Variants in HECTD4 observed in about 807,000 individuals in gnomAD.
The protein encoded by HECTD4 is probable E3 ubiquitin-protein ligase HECTD4.
In HECTD4, 114 loss-of-function variants were observed where a neutral mutation model predicts 471.5. That is an observed-to-expected ratio of 0.24 (90% CI 0.21 to 0.28). The LOEUF (loss-of-function observed/expected upper bound fraction) is 0.28. Ranked by LOEUF, HECTD4 falls within the 10% of genes least tolerant of loss-of-function variation. The probability of loss-of-function intolerance (pLI) is 1.00; values close to 1 mark genes in which losing one functional copy is unlikely to be tolerated. For missense variants in HECTD4, 3,866 were observed against 5,651.5 expected (o/e 0.68, Z 10.13); for synonymous variants, 2,012 against 2,256.0 (o/e 0.89, Z 3.07).
In HECTD4 at chr12:112,195,151, A is replaced by C. The variant is rs376941551; in HGVS notation, c.8568-85T>G. The stretch of plus-strand genomic sequence containing the variant: ...GACCAGGCCGCAGGTTCTGAAGGAA[A>C]AGGATCCTGCCTCAGGCTTCTCTTC... On this transcript the variant is annotated intron_variant, in intron 55 of 75. Transcript: ENST00000682272. The C allele has an allele frequency of 1.4e-4, 170 of 1,218,076 alleles. 3 individuals carry two copies. In the East Asian group the frequency reaches 3.8e-3, roughly 28 times the overall value. 75.5% of individuals were successfully genotyped at this position (1,218,076 alleles called of 1,614,324 possible).
At position 112,275,170 on chromosome 12, in the gene HECTD4, G is replaced by A. The variant is rs190190731; in HGVS notation, c.1688-210C>T. On this transcript the variant is annotated intron_variant, in intron 9 of 75. Coordinates refer to ENST00000682272, the MANE Select transcript of HECTD4 (RefSeq NM_001388303.1). ...CAGAAATTTTCCTAAATTTAATACC[G>A]AACCATAGTTTTCAAAGTGTTTTTA... 4.6e-5 allele frequency among the ~76,000 whole-genome samples: 7 copies of A among 152,238 alleles called. No homozygotes were observed. The East Asian group carries it at 1.2e-3, about 25-fold the overall frequency.
chr12:112,277,296 C>T (rs776845618), intron 9 of HECTD4, among the ~76,000 whole-genome samples: 4 of 152,158 alleles, frequency 2.6e-5, no homozygotes, highest in African/African-American at 9.7e-5. Context: ...GGATGAACCT[C>T]GAAAACATTA....
In HECTD4 at chr12:112,163,559, T is replaced by C; in HGVS notation, c.12880A>G (p.Asn4294Asp). The C allele has an allele frequency of 6.8e-7, 1 of 1,475,400 alleles. No individual in the cohort carries two copies. Among genetic ancestry groups the C allele is most frequent in the East Asian group, 2.5e-5 (1 of 39,652 alleles). The allele number at this position is 1,475,400 out of a possible 1,614,324, so 91.4% of individuals were successfully genotyped here. A position where few individuals can be genotyped will look rare whatever the true frequency, so the allele number is the denominator to read the frequency against. The change falls in exon 74 of 76, where the codon AAC becomes GAC. Residue 4294 changes from asparagine (N) to aspartate (D), a missense_variant. Physicochemically the swap from Asn to Asp is conservative, Grantham distance 23. Coordinates refer to ENST00000682272, the MANE Select transcript of HECTD4 (RefSeq NM_001388303.1). The surrounding 1 kb of genome is among the most constrained non-coding windows in gnomAD (Gnocchi z 8.2). Reference sequence around the variant, plus strand: ...ATGTCTACCTTGAGGAACTCGAGGTTGATGTAGGGGAGGCCGCAGGTGCGC... The same window carrying C: ...ATGTCTACCTTGAGGAACTCGAGGTCGATGTAGGGGAGGCCGCAGGTGCGC... ...ELRTCGLPYINLEFLKAHTMY... is the reference protein window; with the variant it reads ...ELRTCGLPYIDLEFLKAHTMY...
At chr12:112,358,658 AT>A (rs555021753) in intron 1 of HECTD4, among the ~76,000 whole-genome samples, 1 of 152,140 alleles carries the variant, frequency 6.6e-6, no homozygotes, top group Non-Finnish European at 1.5e-5. Flanking sequence ...TTAAACTAAC[AT>A]TTCGAATCAT....
At position 112,382,327 on chromosome 12, in the gene HECTD4, T is replaced by TGCC. The variant is rs558182543; in HGVS notation, c.-202_-200dup. 0.043 allele frequency: 15,268 copies of TGCC among 356,044 alleles called. 364 individuals are homozygous for TGCC. The highest frequency in any genetic ancestry group is 0.066 in the African/African-American group (2,802 of 42,642). 22.1% of individuals were successfully genotyped at this position (356,044 alleles called of 1,614,324 possible). A position where few individuals can be genotyped will look rare whatever the true frequency, so the allele number is the denominator to read the frequency against. On this transcript the variant is annotated 5_prime_UTR_variant, in exon 1 of 76. Coordinates refer to ENST00000682272, the MANE Select transcript of HECTD4 (RefSeq NM_001388303.1). The stretch of plus-strand genomic sequence containing the variant: ...ACCCCGGCCCGGGAGACCCCGGCCC[T>TGCC]GCCGCCGCCGCCGCCGCCGCCGCCG...
intron 11 of HECTD4, among the ~76,000 whole-genome samples, chr12:112,272,893 C>T (rs1320521464): frequency 6.6e-6 from 1 of 152,212 alleles, no homozygotes; most frequent in Non-Finnish European, 1.5e-5. Context: ...CTGCTTTTCA[C>T]TATCTTCTCC....
chr12:112,343,967 T>C (rs1350767046), intron 1 of HECTD4, among the ~76,000 whole-genome samples: 2 of 152,210 alleles, frequency 1.3e-5, no homozygotes, highest in Non-Finnish European at 2.9e-5. Flanking sequence ...AAGACAATAC[T>C]GTATGAATAG....
At position 112,375,222 on chromosome 12, in the gene HECTD4, C is replaced by T. The variant is rs188311522; in HGVS notation, c.177+6730G>A. On this transcript the variant is annotated intron_variant, in intron 1 of 75. Transcript: ENST00000682272. ...CATAAATCCATGTTGTGAGTACCAA[C>T]GGTTCATTCGTTTTTGTTGCTGAGT... Among the ~76,000 whole-genome samples, 20 of 152,320 alleles carry T rather than the reference C, an allele frequency of 1.3e-4. No individual in the cohort carries two copies. The East Asian group carries it at 1.7e-3, about 13-fold the overall frequency.
rs1007316896 is a variant in HECTD4, at chr12:112,228,402, T to A, written c.6685-144A>T. The A allele has an allele frequency of 2.0e-6, 2 of 979,512 alleles. No homozygotes were observed. Among genetic ancestry groups the A allele is most frequent in the African/African-American group, 3.4e-5 (2 of 59,042 alleles). 60.7% of individuals were successfully genotyped at this position (979,512 alleles called of 1,614,324 possible). On this transcript the variant is annotated intron_variant, in intron 42 of 75. Coordinates refer to ENST00000682272, the MANE Select transcript of HECTD4 (RefSeq NM_001388303.1). This position sits in a 1 kb window ranked among gnomAD's most constrained non-coding sequence, Gnocchi z 4.9. ...ACCATACAGAAAACTACAAACCACATCAAAACAATTAAAAATACATTGTAG... is the reference window on the plus strand; with the variant it reads ...ACCATACAGAAAACTACAAACCACAACAAAACAATTAAAAATACATTGTAG...
intron 21 of HECTD4, 27 bp downstream of exon 21, chr12:112,256,293 A>G: frequency 6.7e-7 from 1 of 1,488,336 alleles, no homozygotes; most frequent in Non-Finnish European, 9.0e-7. Flanking sequence ...TCGAGGTGGA[A>G]CCAATAGTAA....
intron 9 of HECTD4, among the ~76,000 whole-genome samples, chr12:112,277,614 C>T (rs1213798167): frequency 6.6e-6 from 1 of 152,098 alleles, no homozygotes; most frequent in African/African-American, 2.4e-5. Context: ...AAGGAGAAAA[C>T]CTCACTCCAT....
At chr12:112,374,926 C>T (rs182819583) in intron 1 of HECTD4, among the ~76,000 whole-genome samples, 1 of 152,248 alleles carries the variant, frequency 6.6e-6, no homozygotes, top group East Asian at 1.9e-4. Context: ...ATATAATTGG[C>T]GTACAGTAAA....
Position 112,193,458 on chromosome 12 carries a change from T to TA in HECTD4, c.8955+10dup. ...AACCACACTGCAGGAACATGAGCTT[T>TA]AGACTTCTACCTGCAGGAAAGAGCA... On this transcript the variant is annotated intron_variant, in intron 57 of 75. Transcript: ENST00000682272. This position sits in a 1 kb window ranked among gnomAD's most constrained non-coding sequence, Gnocchi z 5.2. The TA allele has an allele frequency of 3.1e-6, 5 of 1,600,428 alleles. No homozygotes were observed. Among genetic ancestry groups the TA allele is most frequent in the Non-Finnish European group, 4.3e-6 (5 of 1,173,106 alleles).
At chr12:112,341,729 CTT>C (rs1329470650) in intron 1 of HECTD4, among the ~76,000 whole-genome samples, 1 of 152,170 alleles carries the variant, frequency 6.6e-6, no homozygotes, top group South Asian at 2.1e-4. Context: ...CCAGCTAAGA[CTT>C]AATATGTGTT....
intron 13 of HECTD4, among the ~76,000 whole-genome samples, chr12:112,268,742 G>A (rs761401052): frequency 1.0e-4 from 15 of 148,162 alleles, no homozygotes; most frequent in Non-Finnish European, 1.9e-4. Flanking sequence ...GGCAACAAGA[G>A]TGAAACTCCG....
rs2033294695 is a variant in HECTD4 at position 112,228,385 on chromosome 12, G to A, written c.6685-127C>T. The A allele has an allele frequency of 1.9e-6, 2 of 1,064,356 alleles. No individual in the cohort carries two copies. The highest frequency in any genetic ancestry group is 2.9e-5 in the East Asian group (1 of 34,062). 65.9% of individuals were successfully genotyped at this position (1,064,356 alleles called of 1,614,324 possible). ...GTTAAAAAAATAAAATCACCATACAGAAAACTACAAACCACATCAAAACAA... is the reference window on the plus strand; with the variant it reads ...GTTAAAAAAATAAAATCACCATACAAAAAACTACAAACCACATCAAAACAA... On this transcript the variant is annotated intron_variant, in intron 42 of 75. Transcript: ENST00000682272. The surrounding 1 kb of genome is among the most constrained non-coding windows in gnomAD (Gnocchi z 4.9).
intron 64 of HECTD4, 79 bp downstream of exon 64, chr12:112,178,852 C>T (rs2031559487): frequency 9.6e-6 from 14 of 1,453,882 alleles, no homozygotes; most frequent in Admixed American, 2.3e-5. Flanking sequence ...GAGGAGCTGC[C>T]GCCCCTCAGG....
At chr12:112,334,108 C>T (rs565543536) in intron 1 of HECTD4, among the ~76,000 whole-genome samples, 13 of 152,006 alleles carry the variant, frequency 8.6e-5, no homozygotes, top group African/African-American at 2.9e-4. Flanking sequence ...ACTTGGGAGG[C>T]TGAGGCAGGA....
chr12:112,291,300 AC>A (rs2034880187), intron 7 of HECTD4, among the ~76,000 whole-genome samples: 1 of 152,078 alleles, frequency 6.6e-6, no homozygotes, highest in South Asian at 2.1e-4. Flanking sequence ...ATGTCATTTC[AC>A]CCCCACATAT....
Sources: gnomAD v4.1 joint callset for allele counts (sites outside exome capture counted in the v4.1 genomes callset) on GRCh38, gnomAD v4.1.1 for gene constraint, Gnocchi (gnomAD v3.1) non-coding constraint, MANE v1.5 for transcripts, NCBI Gene and HGNC (gene_info 2026-07-23, HGNC 2026-07-21) for gene names.